UIMC1: variants seen among roughly 807,000 people sequenced by gnomAD.
The protein encoded by UIMC1 is BRCA1-A complex subunit RAP80.
A neutral mutation model predicts 84.9 loss-of-function variants in UIMC1; 42 were observed. The ratio of observed to expected loss-of-function variants is 0.49; its 90% confidence interval spans 0.39 to 0.64. The LOEUF (loss-of-function observed/expected upper bound fraction) is 0.64. Ranked by LOEUF, UIMC1 falls within the 30% of genes least tolerant of loss-of-function variation. UIMC1 has a pLI of 0.00. For missense variants in UIMC1, 825 were observed against 847.6 expected, an observed-to-expected ratio of 0.97 and a Z score of 0.33; for synonymous variants, 281 against 293.0, an observed-to-expected ratio of 0.96 and a Z score of 0.42.
chr5:176,937,959 C>T (rs886969149), intron 10 of UIMC1, among the ~76,000 whole-genome samples: 57 of 151,990 alleles, frequency 3.8e-4, no homozygotes, highest in African/African-American at 1.3e-3. Flanking sequence ...GGGAGGCCAA[C>T]GCAGGAGAAT....
At chr5:177,009,141 G>A (rs1217380641), upstream of UIMC1, among the ~76,000 whole-genome samples, 1 of 151,948 alleles carries the variant, frequency 6.6e-6, no homozygotes, top group African/African-American at 2.4e-5. The surrounding 1 kb of genome is among the most constrained non-coding windows in gnomAD (Gnocchi z 4.3). Context: ...CAAGTAGCTG[G>A]GACTACAGGT....
intron 1 of UIMC1, among the ~76,000 whole-genome samples, chr5:176,992,893 A>G (rs192519781): frequency 1.1e-4 from 17 of 152,246 alleles, no homozygotes; most frequent in African/African-American, 3.6e-4. Flanking sequence ...AGAATATACA[A>G]ACAATTATTG....
intron 1 of UIMC1, among the ~76,000 whole-genome samples, chr5:176,991,867 G>A (rs1169756879): frequency 1.3e-5 from 2 of 152,100 alleles, no homozygotes; most frequent in Non-Finnish European, 2.9e-5. Context: ...GGGAGGCAGA[G>A]CTTGCAGTGA....
chr5:176,969,594 G>C lies in UIMC1; in HGVS notation c.463+7C>G. The C allele has an allele frequency of 6.2e-7, 1 of 1,613,268 alleles. No individual in the cohort carries two copies. The highest frequency in any genetic ancestry group is 1.1e-5 in the South Asian group (1 of 91,052). On this transcript the variant is annotated splice_region_variant and intron_variant, in intron 5 of 14. Coordinates refer to ENST00000511320, the MANE Select transcript of UIMC1 (RefSeq NM_001199298.2). ...TGAATGGAAGGAGTCAGAACAGGGAGACATGCCTTCAGTGAGCCCAGAGTC... is the reference window on the plus strand; with the variant it reads ...TGAATGGAAGGAGTCAGAACAGGGACACATGCCTTCAGTGAGCCCAGAGTC...
chr5:176,956,701 TAGCCCCCTC>T (rs1766644241), intron 7 of UIMC1, among the ~76,000 whole-genome samples: 1 of 151,874 alleles, frequency 6.6e-6, no homozygotes. Context: ...GCATCTGAGC[TAGCCCCCTC>T]ATGCTTCACA....
intron 6 of UIMC1, 50 bp from the exon 7 acceptor site, chr5:176,958,204 C>T: frequency 6.8e-7 from 1 of 1,481,070 alleles, no homozygotes; most frequent in Non-Finnish European, 9.2e-7. Context: ...GGTGAACTGG[C>T]TTCTCTTCCT....
intron 1 of UIMC1, among the ~76,000 whole-genome samples, chr5:177,013,506 A>G (rs1775604992): frequency 6.6e-6 from 1 of 152,208 alleles, no homozygotes; most frequent in Non-Finnish European, 1.5e-5. Flanking sequence ...TTGGCGAATT[A>G]ATCAGATATG....
chr5:176,981,129 C>T (rs553408145), intron 2 of UIMC1, among the ~76,000 whole-genome samples: 7 of 147,824 alleles, frequency 4.7e-5, no homozygotes, highest in Non-Finnish European at 7.5e-5. Context: ...CTATAAGGAA[C>T]TTTTTGTTTT....
intron 6 of UIMC1, among the ~76,000 whole-genome samples, chr5:176,959,278 G>A (rs1407310296): frequency 2.0e-5 from 3 of 152,162 alleles, no homozygotes; most frequent in African/African-American, 7.2e-5. Flanking sequence ...AGAGAATGCT[G>A]ACACCTAGTG....
chr5:176,990,219 T>C (rs1772621417), intron 1 of UIMC1, among the ~76,000 whole-genome samples: 1 of 150,696 alleles, frequency 6.6e-6, no homozygotes. Flanking sequence ...AATGGGGACT[T>C]AGGGAAGTCA....
intron 1 of UIMC1, among the ~76,000 whole-genome samples, chr5:176,992,917 G>A (rs1306473948): frequency 6.6e-6 from 1 of 152,132 alleles, no homozygotes; most frequent in Non-Finnish European, 1.5e-5. Flanking sequence ...CAGAAATGTT[G>A]GCTCACGCCT....
intron 10 of UIMC1, among the ~76,000 whole-genome samples, chr5:176,922,901 G>A (rs986068872): frequency 1.3e-5 from 2 of 152,220 alleles, no homozygotes; most frequent in African/African-American, 2.4e-5. Flanking sequence ...CTCTAAGCTT[G>A]AAAGAAAATC....
chr5:177,007,664 T>A (rs373734821), upstream of UIMC1, among the ~76,000 whole-genome samples: 3 of 152,336 alleles, frequency 2.0e-5, no homozygotes, highest in East Asian at 5.8e-4. Context: ...CAGTATATAC[T>A]GTTTACAGAA....
chr5:176,964,851 A>G (rs957550656), intron 6 of UIMC1, among the ~76,000 whole-genome samples: 4 of 152,130 alleles, frequency 2.6e-5, no homozygotes, highest in African/African-American at 9.7e-5. Flanking sequence ...TTGACAAGTA[A>G]CCTCCATCAA....
In UIMC1 at chr5:176,919,733, T is replaced by C. The variant is rs933810843; in HGVS notation, c.1598-8344A>G. On this transcript the variant is annotated intron_variant, in intron 10 of 14. Coordinates refer to ENST00000511320, the MANE Select transcript of UIMC1 (RefSeq NM_001199298.2). Reference sequence around the variant, plus strand: ...GATATTCAGTTGTCCCAGCACTACATATTGAGAAGACTGCCTTGTTTTCCC... The same window carrying C: ...GATATTCAGTTGTCCCAGCACTACACATTGAGAAGACTGCCTTGTTTTCCC... Among the ~76,000 whole-genome samples the C allele has an allele frequency of 4.6e-4, 70 of 152,268 alleles. 2 individuals are homozygous for C. Among genetic ancestry groups the C allele is most frequent in the Admixed American group, 4.6e-4 (7 of 15,288 alleles).
chr5:176,921,965 ATTGTGTC>A (rs1310991826), intron 10 of UIMC1, among the ~76,000 whole-genome samples: 5 of 152,088 alleles, frequency 3.3e-5, no homozygotes, highest in Non-Finnish European at 5.9e-5. Context: ...TAATTCAGTC[ATTGTGTC>A]TTTCCTGCAG....
chr5:177,003,047 C>A (rs1359077028), intron 1 of UIMC1, among the ~76,000 whole-genome samples: 1 of 151,828 alleles, frequency 6.6e-6, no homozygotes, highest in South Asian at 2.1e-4. Context: ...ATAAAGAGCA[C>A]AAAGTGTATA....
At chr5:176,992,088 A>T (rs1372785586) in intron 1 of UIMC1, among the ~76,000 whole-genome samples, 3 of 152,024 alleles carry the variant, frequency 2.0e-5, no homozygotes, top group Non-Finnish European at 2.9e-5. Context: ...GCGCCACTGC[A>T]CTCTAGCCTG....
intron 11 of UIMC1, among the ~76,000 whole-genome samples, chr5:176,910,427 T>G (rs1009304958): frequency 4.6e-5 from 7 of 152,250 alleles, no homozygotes; most frequent in African/African-American, 2.4e-5. Flanking sequence ...GGGGATCTTA[T>G]GAGTCAGGCA....
Sources: allele counts gnomAD v4.1 joint callset (sites outside exome capture counted in the v4.1 genomes callset), GRCh38; gene constraint gnomAD v4.1.1; non-coding constraint Gnocchi (gnomAD v3.1); transcripts MANE v1.5; gene names NCBI Gene and HGNC (gene_info 2026-07-23, HGNC 2026-07-21).